The following MIA2 variants were observed in gnomAD, a reference collection of about 807,000 sequenced individuals.
MIA2 encodes the protein melanoma inhibitory activity protein 2.
A neutral mutation model predicts 167.8 loss-of-function variants in MIA2; 127 were observed. The ratio of observed to expected loss-of-function variants is 0.76; its 90% CI spans 0.66 to 0.88. MIA2 has a LOEUF of 0.88. MIA2 is among the 40% of genes least tolerant of loss of function. MIA2 has a pLI of 0.00. For missense variants in MIA2, 1,690 were observed against 1,624.7 expected (o/e 1.04, Z -0.69); for synonymous variants, 552 against 541.9 (o/e 1.02, Z -0.26).
intron 23 of MIA2, among the ~76,000 whole-genome samples, chr14:39,379,074 A>G (rs1420447050): frequency 6.6e-6 from 1 of 152,124 alleles, no homozygotes; most frequent in African/African-American, 2.4e-5. Context: ...AATCTTATAA[A>G]CCTATTAAAT....
intron 9 of MIA2, among the ~76,000 whole-genome samples, chr14:39,285,353 CG>C (rs2059480312): frequency 6.6e-6 from 1 of 151,230 alleles, no homozygotes; most frequent in South Asian, 2.1e-4. Flanking sequence ...CCCCACCTCC[CG>C]GACGGGGCGG....
chr14:39,344,670 G>T (rs1315837288), intron 25 of MIA2, among the ~76,000 whole-genome samples: 7 of 152,152 alleles, frequency 4.6e-5, no homozygotes, highest in African/African-American at 1.7e-4. Context: ...ATTCTATAAA[G>T]TCAATTAGAG....
chr14:39,258,445 G>A (rs556249422), intron 6 of MIA2, among the ~76,000 whole-genome samples: 2 of 152,060 alleles, frequency 1.3e-5, no homozygotes, highest in Non-Finnish European at 2.9e-5. Context: ...CAGGTCATTT[G>A]TTCCTCTCTA....
intron 28 of MIA2, 36 bp downstream of exon 28, chr14:39,349,013 A>G (rs746776869): frequency 8.8e-6 from 14 of 1,584,714 alleles, no homozygotes; most frequent in Middle Eastern, 1.7e-4. Context: ...AAAGCTCAAT[A>G]TGTGGTTTAT....
chr14:39,273,078 G>A (rs759452714), intron 6 of MIA2, among the ~76,000 whole-genome samples: 4 of 152,128 alleles, frequency 2.6e-5, no homozygotes, highest in Non-Finnish European at 5.9e-5. Flanking sequence ...GTATAGAATA[G>A]CATTATGTCA....
intron 1 of MIA2, 138 bp downstream of exon 1, chr14:39,234,367 T>C: frequency 2.0e-6 from 1 of 509,828 alleles, no homozygotes; most frequent in Non-Finnish European, 3.4e-6. Context: ...CAGCTTGGTA[T>C]AAAAAAGAAA....
At position 39,331,387 on chromosome 14, in the gene MIA2, G is replaced by A. The variant is rs186128759; in HGVS notation, c.3655+4365G>A. Among the ~76,000 whole-genome samples the A allele has an allele frequency of 1.3e-3, 200 of 152,182 alleles. 1 individual carries two copies. The highest frequency in any genetic ancestry group is 4.6e-3 in the African/African-American group (192 of 41,496). ...ATGGGTCTCCTGAATACAGTACACC[G>A]ATGGGTCTTGACTCTTTATCCAATT... On this transcript the variant is annotated intron_variant, in intron 25 of 28. Transcript: ENST00000640607.
At chr14:39,237,111 A>T (rs925789136) in intron 2 of MIA2, 56 bp downstream of exon 2, 13 of 1,583,144 alleles carry the variant, frequency 8.2e-6, no homozygotes, top group African/African-American at 2.7e-5. Flanking sequence ...TTGCACAAAG[A>T]TTCCTTCCTT....
intron 22 of MIA2, among the ~76,000 whole-genome samples, chr14:39,318,551 G>C (rs529522861): frequency 6.6e-6 from 1 of 152,114 alleles, no homozygotes; most frequent in African/African-American, 2.4e-5. Context: ...ACAATGTACT[G>C]TTAACATTAT....
chr14:39,385,565 T>G, intron 23 of MIA2: 1 of 817,726 alleles, frequency 1.2e-6, no homozygotes, highest in Non-Finnish European at 2.2e-6. Flanking sequence ...CCAGGTTCTC[T>G]CAAGGCGGGT....
At chr14:39,335,511 A>G (rs999800754) in intron 25 of MIA2, among the ~76,000 whole-genome samples, 1 of 152,246 alleles carries the variant, frequency 6.6e-6, no homozygotes, top group Non-Finnish European at 1.5e-5. Flanking sequence ...AAAAAGGAGA[A>G]AACTTTACTT....
chr14:39,317,443 C>G (rs2065679498), intron 21 of MIA2, among the ~76,000 whole-genome samples: 2 of 151,942 alleles, frequency 1.3e-5, no homozygotes. Context: ...AACTAATCAC[C>G]CAATCAGATA....
At chr14:39,354,335 A>C (rs1230858389), downstream of MIA2, among the ~76,000 whole-genome samples, 2 of 152,066 alleles carry the variant, frequency 1.3e-5, no homozygotes, top group Non-Finnish European at 2.9e-5. Context: ...GCATTTTTTC[A>C]TGTGTCTGTA....
At chr14:39,288,719 C>T (rs1249948582) in intron 9 of MIA2, among the ~76,000 whole-genome samples, 2 of 151,424 alleles carry the variant, frequency 1.3e-5, no homozygotes, top group Non-Finnish European at 2.9e-5. Flanking sequence ...CCTCGGCCTC[C>T]CAAAGTGCTG....
chr14:39,357,913 G>A (rs1387172920), intron 23 of MIA2, among the ~76,000 whole-genome samples: 7 of 152,172 alleles, frequency 4.6e-5, no homozygotes, highest in Admixed American at 1.3e-4. Flanking sequence ...AGATTCTGCC[G>A]AGAGATCAGC....
chr14:39,263,430 C>T (rs1298247053), intron 6 of MIA2, among the ~76,000 whole-genome samples: 2 of 149,992 alleles, frequency 1.3e-5, no homozygotes, highest in African/African-American at 4.9e-5. Context: ...GACGAGAGCT[C>T]ACTATCTTGC....
At chr14:39,274,027 G>GA (rs1414907094) in intron 6 of MIA2, among the ~76,000 whole-genome samples, 1 of 152,100 alleles carries the variant, frequency 6.6e-6, no homozygotes, top group Non-Finnish European at 1.5e-5. Context: ...GAAGTTAGAT[G>GA]AAAAACAATT....
At chr14:39,281,925 C>A (rs1199782385) in intron 9 of MIA2, among the ~76,000 whole-genome samples, 1 of 152,024 alleles carries the variant, frequency 6.6e-6, no homozygotes, top group Non-Finnish European at 1.5e-5. Flanking sequence ...CTGGCCTATG[C>A]TCTCTTATTT....
chr14:39,247,945 G>T lies in MIA2; in HGVS notation c.1371G>T (p.Leu457Phe). The T allele has an allele frequency of 1.3e-6, 2 of 1,597,366 alleles. No individual in the cohort carries two copies. The highest frequency in any genetic ancestry group is 2.3e-5 in the South Asian group (2 of 86,306). ...ACGAATCTGATACTATACCATATTT[G>T]AAAAAGTTCTTGTATAATTTTGACA... ...KTDESDTIPY[L>F]KKFLYNFDNP... Residue 457 changes from leucine to phenylalanine, a missense_variant, in exon 4 of 29, where the codon TTG (leucine) becomes TTT (phenylalanine). Leu to Phe is a conservative substitution (Grantham distance 22). Coordinates refer to ENST00000640607, the MANE Select transcript of MIA2 (RefSeq NM_001329214.4).
Sources: gnomAD v4.1 joint callset for allele counts (sites outside exome capture counted in the v4.1 genomes callset) on GRCh38, gnomAD v4.1.1 for gene constraint, MANE v1.5 for transcripts, NCBI Gene and HGNC (gene_info 2026-07-23, HGNC 2026-07-21) for gene names.